Variants in TRAPPC9 observed in about 807,000 individuals in gnomAD.
TRAPPC9 encodes the protein IKK2 binding protein.
A neutral mutation model predicts 124.0 loss-of-function variants in TRAPPC9; 83 were observed. The observed-to-expected ratio is 0.67, with a 90% CI of 0.56 to 0.80. The LOEUF (loss-of-function observed/expected upper bound fraction) is 0.80, where lower values mean the gene tolerates loss of function less well. TRAPPC9 is among the 30% of genes least tolerant of loss of function. TRAPPC9 has a pLI of 0.00. For synonymous variants in TRAPPC9, 638 were observed against 617.5 expected (o/e 1.03, Z -0.49); for missense variants, 1,302 against 1,508.3 (o/e 0.86, Z 2.27).
At position 140,448,145 on chromosome 8, in the gene TRAPPC9, C is replaced by CA. The variant is rs56941791; in HGVS notation, c.584+2644dup. Reference sequence around the variant, plus strand: ...TGGGTGACAGAGCAAGACACCATCTCAAAAAAAAAAAAAAAAAAAAAATTA... The same window carrying CA: ...TGGGTGACAGAGCAAGACACCATCTCAAAAAAAAAAAAAAAAAAAAAAATTA... On this transcript the variant is annotated intron_variant, in intron 2 of 22. Transcript: ENST00000438773. Among the ~76,000 whole-genome samples the CA allele has an allele frequency of 9.2e-3, 828 of 89,752 alleles. 12 individuals carry two copies. Among genetic ancestry groups the CA allele is most frequent in the African/African-American group, 0.028 (642 of 23,102 alleles). 58.9% of individuals were successfully genotyped at this position (89,752 alleles called of 152,430 possible).
At chr8:140,044,300 G>C (rs1477413601) in intron 17 of TRAPPC9, among the ~76,000 whole-genome samples, 1 of 149,502 alleles carries the variant, frequency 6.7e-6, no homozygotes, top group Non-Finnish European at 1.5e-5. Flanking sequence ...AAAAATCACA[G>C]TGGGCTAGGA....
chr8:140,058,879 G>C (rs1383030261), intron 17 of TRAPPC9, among the ~76,000 whole-genome samples: 1 of 152,162 alleles, frequency 6.6e-6, no homozygotes, highest in Non-Finnish European at 1.5e-5. Context: ...AGAGTCAGGA[G>C]GGCCTTTGCG....
In TRAPPC9 at chr8:140,401,629, ATTAT is replaced by A. The variant is rs150460047; in HGVS notation, c.1009-3888_1009-3885del. Among the ~76,000 whole-genome samples, 34 of 143,764 alleles carry A rather than the reference ATTAT, an allele frequency of 2.4e-4. No homozygotes were observed. In the East Asian group the frequency reaches 6.4e-3, roughly 27 times the overall value. 94.3% of individuals were successfully genotyped at this position (143,764 alleles called of 152,430 possible). On this transcript the variant is annotated intron_variant, in intron 6 of 22. Coordinates refer to ENST00000438773, the MANE Select transcript of TRAPPC9 (RefSeq NM_001160372.4). The stretch of plus-strand genomic sequence containing the variant: ...GAGATTTAAAATGAAATCATGAAAA[ATTAT>A]TTTTTTTTGAGACAGAGTCTTGCTC...
intron 11 of TRAPPC9, among the ~76,000 whole-genome samples, chr8:140,297,764 G>T (rs1284560495): frequency 6.6e-6 from 1 of 152,236 alleles, no homozygotes; most frequent in Non-Finnish European, 1.5e-5. Context: ...AGGTACCCCT[G>T]CTGACAGATG....
At chr8:139,884,626 A>C (rs567079349) in intron 21 of TRAPPC9, among the ~76,000 whole-genome samples, 1 of 152,196 alleles carries the variant, frequency 6.6e-6, no homozygotes, top group Non-Finnish European at 1.5e-5. Flanking sequence ...CAGCTATCTG[A>C]GTCTAGGGAC....
Position 140,225,770 on chromosome 8 carries a change from T to C in TRAPPC9, c.2432-4187A>G, listed in dbSNP as rs537974183. Among the ~76,000 whole-genome samples the C allele has an allele frequency of 3.3e-5, 5 of 152,202 alleles. No homozygotes were observed. In the South Asian group the frequency reaches 8.3e-4, roughly 25 times the overall value. ...AAAGGGGTATTTTTGCCATCTCATC[T>C]GTGTGTGTGTCTGTGTGTCTCTCTG... is the stretch of plus-strand genomic sequence containing the variant. On this transcript the variant is annotated intron_variant, in intron 16 of 22. Transcript: ENST00000438773.
At chr8:139,841,929 A>G (rs1826759716) in intron 21 of TRAPPC9, among the ~76,000 whole-genome samples, 1 of 152,240 alleles carries the variant, frequency 6.6e-6, no homozygotes, top group Non-Finnish European at 1.5e-5. Flanking sequence ...TAGACAGGGC[A>G]GGAGGGAAGC....
At chr8:139,884,809 A>T (rs1829895777) in intron 21 of TRAPPC9, among the ~76,000 whole-genome samples, 1 of 152,192 alleles carries the variant, frequency 6.6e-6, no homozygotes. Flanking sequence ...AGGCCACAGA[A>T]GGAGCCCGAG....
chr8:140,326,223 A>C (rs1196719923), intron 9 of TRAPPC9, among the ~76,000 whole-genome samples: 8 of 129,542 alleles, frequency 6.2e-5, no homozygotes, highest in African/African-American at 2.6e-4. Context: ...CGTCTCTACT[A>C]AAAAAAAAAA....
intron 9 of TRAPPC9, among the ~76,000 whole-genome samples, chr8:140,334,420 C>T (rs1462462845): frequency 6.6e-6 from 1 of 151,834 alleles, no homozygotes; most frequent in Non-Finnish European, 1.5e-5. Context: ...GAGGCCAAGG[C>T]AGGAGGATCA....
In TRAPPC9 at chr8:140,313,006, C is replaced by T. The variant is rs145035610; in HGVS notation, c.1496-1632G>A. The stretch of plus-strand genomic sequence containing the variant: ...AACTCCTGGGCTCAAGTGATCCCCC[C>T]ACCTTGGCCTTCCAAAGTACTGGGA... On this transcript the variant is annotated intron_variant, in intron 9 of 22. Coordinates refer to ENST00000438773, the MANE Select transcript of TRAPPC9 (RefSeq NM_001160372.4). Among the ~76,000 whole-genome samples, 15 of 152,282 alleles carry T rather than the reference C, an allele frequency of 9.9e-5. No individual in the cohort carries two copies. The South Asian group carries it at 1.5e-3, about 15-fold the overall frequency.
At chr8:140,260,953 T>C (rs1259269091) in intron 15 of TRAPPC9, among the ~76,000 whole-genome samples, 1 of 152,112 alleles carries the variant, frequency 6.6e-6, no homozygotes, top group Non-Finnish European at 1.5e-5. Flanking sequence ...AAAGAAAATA[T>C]AATGGCCAAG....
rs931046444 is a variant in TRAPPC9, at chr8:139,825,224, G to A, written c.3055+60655C>T. The stretch of plus-strand genomic sequence containing the variant: ...GCTAGAGCCCAACAGGGCAGCCCAC[G>A]CAGGGTGGGCAGAGAAACGGCTCCT... On this transcript the variant is annotated intron_variant, in intron 21 of 22. Transcript: ENST00000438773. The surrounding 1 kb of genome is among the most constrained non-coding windows in gnomAD (Gnocchi z 4.6). Among the ~76,000 whole-genome samples, 4 of 152,202 alleles carry A rather than the reference G, an allele frequency of 2.6e-5. No homozygotes were observed. Among genetic ancestry groups the A allele is most frequent in the African/African-American group, 9.6e-5 (4 of 41,456 alleles).
intron 19 of TRAPPC9, among the ~76,000 whole-genome samples, chr8:139,935,272 A>AT (rs1833440875): frequency 1.3e-5 from 2 of 152,174 alleles, no homozygotes; most frequent in Non-Finnish European, 2.9e-5. Context: ...TTTCTAAAAA[A>AT]TTACACGTGC....
At chr8:139,896,590 C>G (rs1830684254) in intron 20 of TRAPPC9, among the ~76,000 whole-genome samples, 1 of 152,152 alleles carries the variant, frequency 6.6e-6, no homozygotes. Flanking sequence ...AGGCTTGAAC[C>G]CAGCCAGGCT....
At chr8:140,425,505 C>T (rs2070389989) in intron 5 of TRAPPC9, among the ~76,000 whole-genome samples, 1 of 152,158 alleles carries the variant, frequency 6.6e-6, no homozygotes, top group South Asian at 2.1e-4. Flanking sequence ...TGAAAAGCGT[C>T]GGAAATCTTT....
chr8:140,260,557 A>C (rs1347472542), intron 15 of TRAPPC9, among the ~76,000 whole-genome samples: 2 of 152,252 alleles, frequency 1.3e-5, no homozygotes, highest in South Asian at 2.1e-4. Context: ...CAAACTAATT[A>C]GGTAAGTTCT....
At chr8:140,207,684 G>A (rs1194263826) in intron 17 of TRAPPC9, among the ~76,000 whole-genome samples, 2 of 152,230 alleles carry the variant, frequency 1.3e-5, no homozygotes, top group Non-Finnish European at 1.5e-5. Flanking sequence ...CGCGGTGACA[G>A]CGTCTTGCAA....
At position 139,775,916 on chromosome 8, in the gene TRAPPC9, G is replaced by A. The variant is rs142911104; in HGVS notation, c.3056-43714C>T. Among the ~76,000 whole-genome samples, 95 of 152,306 alleles carry A rather than the reference G, an allele frequency of 6.2e-4. 1 individual carries two copies. Among genetic ancestry groups the A allele is most frequent in the South Asian group, 3.5e-3 (17 of 4,828 alleles). ...ATTTCCACAGATGAGAGTCAACTCC[G>A]CCTTCGGGCACACCCAAGGCAGGTC... On this transcript the variant is annotated intron_variant, in intron 21 of 22. Coordinates refer to ENST00000438773, the MANE Select transcript of TRAPPC9 (RefSeq NM_001160372.4).
Sources: gnomAD v4.1 joint callset for allele counts (sites outside exome capture counted in the v4.1 genomes callset) on GRCh38, gnomAD v4.1.1 for gene constraint, Gnocchi (gnomAD v3.1) non-coding constraint, MANE v1.5 for transcripts, NCBI Gene and HGNC (gene_info 2026-07-23, HGNC 2026-07-21) for gene names.